Variants in MAD1L1 observed in about 807,000 individuals in gnomAD.
The protein encoded by MAD1L1 is mitotic spindle assembly checkpoint protein MAD1.
Under a neutral mutation model 96.9 loss-of-function variants are expected in MAD1L1, and 95 were observed. That is an observed-to-expected ratio of 0.98 (90% CI 0.83 to 1.16). The LOEUF is 1.16. MAD1L1 is among the 50% of genes most tolerant of loss of function. The pLI, the probability that MAD1L1 is intolerant of heterozygous loss-of-function variation, is 0.00. For synonymous variants in MAD1L1, 473 were observed against 396.6 expected (o/e 1.19, Z -2.29); for missense variants, 1,007 against 954.4 (o/e 1.06, Z -0.73).
chr7:1,936,768 G>T lies in MAD1L1; in HGVS notation c.1726C>A (p.Arg576Ser), dbSNP rs771673407. The change falls in exon 17 of 19, where the codon CGC becomes AGC. Residue 576 changes from arginine (R) to serine (S), a missense_variant. Transcript: ENST00000265854. ...ACGGTGCCTCCTCTCTCCATGGCGC[G>T]CAGGAGCCCGCGCAGTCGCTCGCAC... is the stretch of plus-strand genomic sequence containing the variant. ...AECERLRGLLRAMERGGTVPA... is the reference protein window; with the variant it reads ...AECERLRGLLSAMERGGTVPA... 1.9e-6 allele frequency: 3 copies of T among 1,572,846 alleles called. No individual in the cohort carries two copies. The highest frequency in any genetic ancestry group is 1.7e-6 in the Non-Finnish European group (2 of 1,160,440).
At position 1,856,258 on chromosome 7, in the gene MAD1L1, C is replaced by T. The variant is rs1030457502; in HGVS notation, c.1999-40030G>A. On this transcript the variant is annotated intron_variant, in intron 18 of 18. Coordinates refer to ENST00000265854, the MANE Select transcript of MAD1L1 (RefSeq NM_001013836.2). ...GGGTGTGCCTGTGGGGCCAGCAGGT[C>T]GGGTTGGGCGCAGGGAGAAATGAAG... Among the ~76,000 whole-genome samples, 3 of 152,118 alleles carry T rather than the reference C, an allele frequency of 2.0e-5. No individual in the cohort carries two copies. The South Asian group carries it at 6.2e-4, about 31-fold the overall frequency.
chr7:2,079,774 A>G, intron 11 of MAD1L1: 1 of 470,690 alleles, frequency 2.1e-6, no homozygotes. Flanking sequence ...GAGACCATAA[A>G]TTCACTTCCG....
In MAD1L1 at chr7:2,217,953, G is replaced by A. The variant is rs1283856332; in HGVS notation, c.678+9C>T. ...GATGTCCACAAGGCACTGACAGGGA[G>A]TGACTCACCTTAATCTGCTGCTCGT... is the stretch of plus-strand genomic sequence containing the variant. On this transcript the variant is annotated intron_variant, in intron 7 of 18. Coordinates refer to ENST00000265854, the MANE Select transcript of MAD1L1 (RefSeq NM_001013836.2). The A allele has an allele frequency of 1.2e-6, 2 of 1,610,568 alleles. No individual in the cohort carries two copies. Among genetic ancestry groups the A allele is most frequent in the Non-Finnish European group, 1.7e-6 (2 of 1,176,748 alleles).
intron 11 of MAD1L1, among the ~76,000 whole-genome samples, chr7:2,102,331 TCACCATCACCACCGC>T (rs1300132410): frequency 1.1e-4 from 13 of 123,274 alleles, no homozygotes; most frequent in Non-Finnish European, 1.6e-4. Flanking sequence ...GCCGTCACCA[TCACCATCACCACCGC>T]CACCATCACC....
intron 18 of MAD1L1, among the ~76,000 whole-genome samples, chr7:1,841,381 A>G (rs1404563331): frequency 6.6e-6 from 1 of 152,126 alleles, no homozygotes; most frequent in Non-Finnish European, 1.5e-5. Flanking sequence ...TCACAGCCCG[A>G]CAGCACAGGC....
chr7:2,125,965 G>A (rs1194395066), intron 11 of MAD1L1, among the ~76,000 whole-genome samples: 1 of 152,250 alleles, frequency 6.6e-6, no homozygotes, highest in Non-Finnish European at 1.5e-5. Context: ...CAGCGCCACA[G>A]GTGAGAAAGT....
At chr7:1,847,397 G>C (rs1020001792) in intron 18 of MAD1L1, 1 of 470,832 alleles carries the variant, frequency 2.1e-6, no homozygotes, top group Non-Finnish European at 4.4e-6. Context: ...GACTTGGGAA[G>C]ATGTGGGGGG....
At chr7:2,220,326 C>T (rs772814247) in intron 5 of MAD1L1, among the ~76,000 whole-genome samples, 13 of 152,186 alleles carry the variant, frequency 8.5e-5, no homozygotes, top group South Asian at 2.1e-4. Context: ...AACCCGCACG[C>T]GACAGAACCG....
Position 2,154,973 on chromosome 7 carries a change from G to A in MAD1L1, c.987-5735C>T, listed in dbSNP as rs115841254. Among the ~76,000 whole-genome samples the A allele has an allele frequency of 7.9e-3, 1,208 of 152,290 alleles. 16 individuals carry two copies. Among genetic ancestry groups the A allele is most frequent in the African/African-American group, 0.027 (1,136 of 41,548 alleles). ...GACATACCCTTGAACCAAGCGGGGTGGGGAGGAGGAGCCCAGGAGGCTCTG... is the reference window on the plus strand; with the variant it reads ...GACATACCCTTGAACCAAGCGGGGTAGGGAGGAGGAGCCCAGGAGGCTCTG... On this transcript the variant is annotated intron_variant, in intron 10 of 18. Transcript: ENST00000265854.
intron 18 of MAD1L1, among the ~76,000 whole-genome samples, chr7:1,827,064 C>T (rs550729430): frequency 4.7e-4 from 71 of 152,340 alleles, no homozygotes; most frequent in African/African-American, 1.6e-3. Context: ...GGAGGGGAGC[C>T]GAGGGAGTGG....
chr7:2,080,913 C>T (rs1046560712), intron 11 of MAD1L1, among the ~76,000 whole-genome samples: 10 of 152,212 alleles, frequency 6.6e-5, no homozygotes, highest in African/African-American at 2.2e-4. Flanking sequence ...CAGGCGGTAC[C>T]GCCGGGACGT....
In MAD1L1 at chr7:1,821,925, A is replaced by G. The variant is rs140083648; in HGVS notation, c.1999-5697T>C. 3.5e-3 allele frequency among the ~76,000 whole-genome samples: 529 copies of G among 152,284 alleles called. 5 individuals carry two copies. Among genetic ancestry groups the G allele is most frequent in the Non-Finnish European group, 5.5e-3 (377 of 68,012 alleles). Reference sequence around the variant, plus strand: ...GCATGGGAGCTCCTCACGCCAGGGCATGCAGGTAAGAAAAGGAAAGCAGCA... The same window carrying G: ...GCATGGGAGCTCCTCACGCCAGGGCGTGCAGGTAAGAAAAGGAAAGCAGCA... On this transcript the variant is annotated intron_variant, in intron 18 of 18. Coordinates refer to ENST00000265854, the MANE Select transcript of MAD1L1 (RefSeq NM_001013836.2).
intron 17 of MAD1L1, among the ~76,000 whole-genome samples, chr7:1,917,670 G>C (rs1440662781): frequency 6.6e-6 from 1 of 152,256 alleles, no homozygotes; most frequent in East Asian, 1.9e-4. Context: ...CGGCGACGGA[G>C]CTGCTTGCCA....
intron 12 of MAD1L1, among the ~76,000 whole-genome samples, chr7:2,042,932 C>A (rs974160725): frequency 1.3e-5 from 2 of 152,040 alleles, no homozygotes; most frequent in South Asian, 2.1e-4. Context: ...CACATCAAGG[C>A]AGTGCTGCTG....
At chr7:2,190,255 T>C (rs1791655896) in intron 10 of MAD1L1, among the ~76,000 whole-genome samples, 1 of 152,116 alleles carries the variant, frequency 6.6e-6, no homozygotes, top group Non-Finnish European at 1.5e-5. Context: ...CATGAATGTA[T>C]GGCTGACAGG....
At chr7:1,960,126 T>G (rs920183161) in intron 15 of MAD1L1, among the ~76,000 whole-genome samples, 2 of 151,638 alleles carry the variant, frequency 1.3e-5, no homozygotes, top group Non-Finnish European at 2.9e-5. Context: ...TGTGGTAAGT[T>G]AAAGATGTAT....
intron 11 of MAD1L1, among the ~76,000 whole-genome samples, chr7:2,078,456 C>T (rs749257189): frequency 2.0e-5 from 3 of 152,226 alleles, no homozygotes; most frequent in Non-Finnish European, 2.9e-5. Context: ...CTGCCCCACG[C>T]TCACGGGGCC....
chr7:2,073,642 C>G (rs545891774), intron 11 of MAD1L1, among the ~76,000 whole-genome samples: 2 of 147,734 alleles, frequency 1.4e-5, no homozygotes, highest in South Asian at 2.1e-4. Context: ...CTTACAGACC[C>G]GGTCTGAGGA....
In MAD1L1 at chr7:2,073,899, G is replaced by A. The variant is rs543404951; in HGVS notation, c.1074-4561C>T. Among the ~76,000 whole-genome samples, 5 of 152,202 alleles carry A rather than the reference G, an allele frequency of 3.3e-5. No individual in the cohort carries two copies. In the South Asian group the frequency reaches 1.0e-3, roughly 31 times the overall value. On this transcript the variant is annotated intron_variant, in intron 11 of 18. Coordinates refer to ENST00000265854, the MANE Select transcript of MAD1L1 (RefSeq NM_001013836.2). ...GCAGAGAGACACCCACTCCAGGACC[G>A]TCCAGGTGCAAGCACTCGGGCCCGC...
Sources: allele counts gnomAD v4.1 joint callset (sites outside exome capture counted in the v4.1 genomes callset), GRCh38; gene constraint gnomAD v4.1.1; transcripts MANE v1.5; gene names NCBI Gene and HGNC (gene_info 2026-07-23, HGNC 2026-07-21).